GOLGB1: variants seen among roughly 807,000 people sequenced by gnomAD.
GOLGB1 encodes golgin subfamily B member 1.
GOLGB1 carries 174 observed loss-of-function variants against 336.9 expected under a neutral mutation model. The ratio of observed to expected loss-of-function variants is 0.52; its 90% CI spans 0.46 to 0.59. GOLGB1 has a LOEUF of 0.59. Ranked by LOEUF, GOLGB1 falls within the 20% of genes least tolerant of loss-of-function variation. The probability of loss-of-function intolerance (pLI) is 0.00; values close to 1 mark genes in which losing one functional copy is unlikely to be tolerated. For synonymous variants in GOLGB1, 1,208 were observed against 1,289.2 expected, an observed-to-expected ratio of 0.94 and a Z score of 1.35; for missense variants, 3,331 against 3,645.3, an observed-to-expected ratio of 0.91 and a Z score of 2.22.
chr3:121,693,365 G>A (rs1309005388), intron 13 of GOLGB1, among the ~76,000 whole-genome samples: 2 of 152,178 alleles, frequency 1.3e-5, no homozygotes, highest in Non-Finnish European at 2.9e-5. Flanking sequence ...GTAGGCTCCT[G>A]TAATCCCAGC....
rs747719358 is a variant in GOLGB1 at position 121,691,003 on chromosome 3, A to ATC, written c.8359_8360dup (p.Asp2787GlufsTer12). 3 of 1,613,672 alleles carry ATC rather than the reference A, an allele frequency of 1.9e-6. No individual in the cohort carries two copies. Among genetic ancestry groups the ATC allele is most frequent in the Non-Finnish European group, 2.5e-6 (3 of 1,179,682 alleles). ...AAAAGGCGGTTTCAGAAAGAAGAGCATCTCTCTCTCTGTTTAAGAGTCCCT... is the reference window on the plus strand; with the variant it reads ...AAAAGGCGGTTTCAGAAAGAAGAGCATCTCTCTCTCTCTGTTTAAGAGTCCCT... On this transcript the variant is annotated frameshift_variant, in exon 14 of 22. Transcript: ENST00000614479. LOFTEE classifies it high-confidence loss of function.
intron 12 of GOLGB1, 101 bp downstream of exon 12, chr3:121,699,711 C>T (rs1553871417): frequency 1.6e-6 from 1 of 633,120 alleles, no homozygotes; most frequent in Non-Finnish European, 2.8e-6. Flanking sequence ...AGGTAATGTA[C>T]TTCTCTGGCA....
At chr3:121,742,217 T>C (rs62268780) in intron 1 of GOLGB1, among the ~76,000 whole-genome samples, 5,534 of 152,222 alleles carry the variant, frequency 0.036, 157 homozygotes, top group Non-Finnish European at 0.055. Flanking sequence ...CTTCAAACTA[T>C]ACTACAAGGC....
chr3:121,677,056 A>C (rs1940488531), intron 16 of GOLGB1, 26 bp from the exon 17 acceptor site: 2 of 1,613,372 alleles, frequency 1.2e-6, no homozygotes, highest in South Asian at 2.2e-5. Flanking sequence ...CATTGATCAG[A>C]TTCTCTCCTA....
chr3:121,693,174 T>C (rs1353433910), intron 13 of GOLGB1, among the ~76,000 whole-genome samples: 4 of 150,930 alleles, frequency 2.7e-5, no homozygotes, highest in Admixed American at 6.6e-5. Flanking sequence ...CAGGCAAGAG[T>C]AGTTGAAATG....
At chr3:121,728,091 T>C (rs1030564895) in intron 4 of GOLGB1, among the ~76,000 whole-genome samples, 5 of 151,682 alleles carry the variant, frequency 3.3e-5, no homozygotes, top group East Asian at 1.9e-4. Context: ...AGGAGAGAGG[T>C]TGGTGCTACC....
In GOLGB1 at chr3:121,693,854, C is replaced by A; in HGVS notation, c.6669G>T (p.Ala2223=). Residue 2223 remains alanine (A), a synonymous_variant, in exon 13 of 22, where the codon GCG becomes GCT. Coordinates refer to ENST00000614479, the MANE Select transcript of GOLGB1 (RefSeq NM_001366282.2). ...AKKWERKFSD[A]IQSKEEEIRL... ...TAATTTCTTCTTCTTTGCTTTGAAT[C>A]GCATCACTAAACTTCCTCTCCCATT... is the stretch of plus-strand genomic sequence containing the variant. 3 of 1,613,534 alleles carry A rather than the reference C, an allele frequency of 1.9e-6. No homozygotes were observed. Among genetic ancestry groups the A allele is most frequent in the African/African-American group, 1.3e-5 (1 of 75,024 alleles).
At position 121,699,858 on chromosome 3, in the gene GOLGB1, A is replaced by G. The variant is rs553179726; in HGVS notation, c.1547T>C (p.Leu516Pro). The change falls in exon 12 of 22, where the codon CTA (leucine) becomes CCA (proline). Residue 516 changes from leucine (L) to proline (P), a missense_variant. Physicochemically the swap from Leu to Pro is moderately conservative, Grantham distance 98 (BLOSUM62 -3). Coordinates refer to ENST00000614479, the MANE Select transcript of GOLGB1 (RefSeq NM_001366282.2). The part of the protein sequence containing the change: ...NEKLSSQITL[L>P]EAQNRTGEAD... ...CTCCCCAGTTCTATTCTGAGCCTCT[A>G]GGAGAGTAATCTGAGAAGACAGTTT... 1 of 1,603,576 alleles carries G rather than the reference A, an allele frequency of 6.2e-7. No individual in the cohort carries two copies. The highest frequency in any genetic ancestry group is 1.1e-5 in the South Asian group (1 of 90,376).
rs771833951 is a variant in GOLGB1 at position 121,696,076 on chromosome 3, T to G, written c.4447A>C (p.Lys1483Gln). The G allele has an allele frequency of 3.1e-6, 5 of 1,613,784 alleles. No individual in the cohort carries two copies. Among genetic ancestry groups the G allele is most frequent in the Non-Finnish European group, 2.5e-6 (3 of 1,179,978 alleles). The change falls in exon 13 of 22, where the codon AAG becomes CAG. Residue 1483 changes from lysine to glutamine, a missense_variant. By Grantham distance (53) the Lys-to-Gln change is moderately conservative. Transcript: ENST00000614479. ...TGCAGTTTCCTTTGTATTTGTTGCTTTGCTCTACTTTCTTCTCCAATCTCT... is the reference window on the plus strand; with the variant it reads ...TGCAGTTTCCTTTGTATTTGTTGCTGTGCTCTACTTTCTTCTCCAATCTCT... The part of the protein sequence containing the change: ...PEEIGEESRA[K>Q]QQIQRKLQAA...
At chr3:121,720,364 C>T (rs181493301) in intron 6 of GOLGB1, among the ~76,000 whole-genome samples, 7 of 152,300 alleles carry the variant, frequency 4.6e-5, no homozygotes, top group Admixed American at 4.6e-4. Context: ...CCTTCTAGAT[C>T]ATGCTCATTT....
chr3:121,726,612 A>T (rs1479332640), intron 5 of GOLGB1, among the ~76,000 whole-genome samples: 2 of 151,878 alleles, frequency 1.3e-5, no homozygotes, highest in Non-Finnish European at 2.9e-5. Flanking sequence ...ACACAAAAAC[A>T]AACAAAAAAT....
At chr3:121,744,441 C>CAAA (rs11290154) in intron 1 of GOLGB1, among the ~76,000 whole-genome samples, 56 of 72,982 alleles carry the variant, frequency 7.7e-4, no homozygotes, top group South Asian at 1.8e-3. Context: ...ACTGTCTCTA[C>CAAA]AAAAAAAAAA....
At chr3:121,677,613 GA>G (rs1261408172) in intron 15 of GOLGB1, among the ~76,000 whole-genome samples, 163 bp from the exon 16 acceptor site, 11 of 152,228 alleles carry the variant, frequency 7.2e-5, no homozygotes, top group Admixed American at 2.6e-4. Context: ...AAATGTGGGG[GA>G]AAAAACAGGA....
chr3:121,705,399 C>T (rs551516834), intron 10 of GOLGB1, among the ~76,000 whole-genome samples: 3 of 152,274 alleles, frequency 2.0e-5, no homozygotes, highest in East Asian at 3.9e-4. Context: ...CAAAACCAGA[C>T]AAAATAATAA....
intron 10 of GOLGB1, among the ~76,000 whole-genome samples, chr3:121,703,984 T>C (rs1434534237): frequency 6.6e-6 from 1 of 151,972 alleles, no homozygotes; most frequent in Non-Finnish European, 1.5e-5. Context: ...ATTCCAGAAC[T>C]AATAAACATA....
At chr3:121,746,552 A>C (rs957418071) in intron 1 of GOLGB1, among the ~76,000 whole-genome samples, 10 of 152,006 alleles carry the variant, frequency 6.6e-5, no homozygotes, top group Admixed American at 2.6e-4. Context: ...GCGCGATCTC[A>C]CTACAATCTC....
chr3:121,696,553 C>G lies in GOLGB1; in HGVS notation c.3970G>C (p.Val1324Leu). The G allele has an allele frequency of 6.2e-7, 1 of 1,614,166 alleles. No individual in the cohort carries two copies. Among genetic ancestry groups the G allele is most frequent in the Non-Finnish European group, 8.5e-7 (1 of 1,180,016 alleles). ...GAACTAACTTTCAATTCTAACTCTA[C>G]TTTCTCAGCCTCTATTTCCTTCAGC... ...AQLKEIEAEK[V>L]ELELKVSSTT... is the part of the protein sequence containing the mutation. Residue 1324 changes from valine (V) to leucine (L), a missense_variant, in exon 13 of 22, where the codon GTA becomes CTA. By Grantham distance (32) the Val-to-Leu change is conservative. Transcript: ENST00000614479.
chr3:121,688,303 AGCCTGCCGAGT>A, intron 14 of GOLGB1, among the ~76,000 whole-genome samples: 2 of 152,236 alleles, frequency 1.3e-5, no homozygotes, highest in South Asian at 4.1e-4. Context: ...CTTCTGCCTC[AGCCTGCCGAGT>A]GCCTGCGATT....
chr3:121,703,982 A>G (rs763225494), intron 10 of GOLGB1, among the ~76,000 whole-genome samples: 1 of 152,186 alleles, frequency 6.6e-6, no homozygotes, highest in Non-Finnish European at 1.5e-5. Flanking sequence ...AAATTCCAGA[A>G]CTAATAAACA....
Sources: gnomAD v4.1 joint callset for allele counts (sites outside exome capture counted in the v4.1 genomes callset) on GRCh38, gnomAD v4.1.1 for gene constraint, MANE v1.5 for transcripts, NCBI Gene and HGNC (gene_info 2026-07-23, HGNC 2026-07-21) for gene names.